SCEL: variants seen among roughly 807,000 people sequenced by gnomAD.
SCEL encodes sciellin.
In SCEL, 113 loss-of-function variants were observed where a neutral mutation model predicts 117.6. That is an observed-to-expected ratio of 0.96 (90% CI 0.83 to 1.12). SCEL has a LOEUF of 1.12. SCEL is among the 50% of genes most tolerant of loss of function. The pLI is 0.00. For missense variants in SCEL, 785 were observed against 810.8 expected (o/e 0.97, Z 0.39); for synonymous variants, 270 against 256.2 (o/e 1.05, Z -0.51).
chr13:77,567,034 A>G (rs898602888), intron 5 of SCEL, among the ~76,000 whole-genome samples: 2 of 152,250 alleles, frequency 1.3e-5, no homozygotes, highest in East Asian at 1.9e-4. Context: ...CAAGTAGTTC[A>G]TTGATGCCTT....
Position 77,617,938 on chromosome 13 carries a change from AT to A in SCEL, c.1572-64del, listed in dbSNP as rs2089175183. On this transcript the variant is annotated intron_variant, in intron 26 of 32. Coordinates refer to ENST00000349847, the MANE Select transcript of SCEL (RefSeq NM_144777.3). ...TGAAGTGGATTTATAATGTTGCTTT[AT>A]TGACCTAGCACAACCCCAAAATCTA... The A allele has an allele frequency of 2.5e-6, 4 of 1,583,398 alleles. No individual in the cohort carries two copies. In the Admixed American group the frequency reaches 6.7e-5, roughly 26 times the overall value.
intron 31 of SCEL, among the ~76,000 whole-genome samples, chr13:77,642,024 A>G (rs2090580382): frequency 6.6e-6 from 1 of 152,196 alleles, no homozygotes; most frequent in Non-Finnish European, 1.5e-5. Context: ...AATTTAAACA[A>G]GAATATTCTC....
intron 1 of SCEL, among the ~76,000 whole-genome samples, chr13:77,546,582 C>G (rs1271573839): frequency 6.6e-6 from 1 of 151,832 alleles, no homozygotes; most frequent in Non-Finnish European, 1.5e-5. Flanking sequence ...AAGAATCACA[C>G]ATATCTTTTG....
intron 9 of SCEL, among the ~76,000 whole-genome samples, chr13:77,583,504 A>T (rs920839650): frequency 2.0e-5 from 3 of 152,196 alleles, no homozygotes; most frequent in African/African-American, 7.2e-5. Context: ...TACGGCTCAT[A>T]TACTGTTGTG....
Position 77,642,772 on chromosome 13 carries a change from A to G in SCEL, c.2014A>G (p.Thr672Ala), listed in dbSNP as rs1177201274. The change falls in exon 32 of 33, where the codon ACA (threonine) becomes GCA (alanine). Residue 672 changes from threonine to alanine, a missense_variant. Coordinates refer to ENST00000349847, the MANE Select transcript of SCEL (RefSeq NM_144777.3). ...AGDSIWIYRQTIHCEPCYSKI... is the reference protein window; with the variant it reads ...AGDSIWIYRQAIHCEPCYSKI... ...TGATAGTATTTGGATTTATAGACAGACAATACACTGTGAACCTTGCTACTC... is the reference window on the plus strand; with the variant it reads ...TGATAGTATTTGGATTTATAGACAGGCAATACACTGTGAACCTTGCTACTC... The G allele has an allele frequency of 6.2e-7, 1 of 1,606,348 alleles. No individual in the cohort carries two copies. Among genetic ancestry groups the G allele is most frequent in the Non-Finnish European group, 8.5e-7 (1 of 1,175,874 alleles).
chr13:77,602,775 T>A, intron 17 of SCEL, 62 bp downstream of exon 17: 1 of 1,398,582 alleles, frequency 7.2e-7, no homozygotes, highest in Admixed American at 1.7e-5. Flanking sequence ...TTATGTGATA[T>A]TGAGGGCACC....
At chr13:77,599,802 T>C in intron 15 of SCEL, 54 bp downstream of exon 15, 1 of 1,283,972 alleles carries the variant, frequency 7.8e-7, no homozygotes, top group Non-Finnish European at 1.1e-6. Flanking sequence ...GGTGTACTAT[T>C]TTCTGGAGGA....
At chr13:77,632,758 G>A (rs7989005) in intron 28 of SCEL, among the ~76,000 whole-genome samples, 140,512 of 152,280 alleles carry the variant, frequency 0.92, 64,882 homozygotes, top group South Asian at 0.97. Context: ...TTCCATAGGA[G>A]AAAGCAAATA....
chr13:77,543,313 G>A (rs921646529), intron 1 of SCEL, among the ~76,000 whole-genome samples: 3 of 151,842 alleles, frequency 2.0e-5, no homozygotes, highest in Non-Finnish European at 4.4e-5. Flanking sequence ...TCGATCTCCT[G>A]ACCTCGTGAT....
chr13:77,618,551 G>T (rs1429993663), intron 27 of SCEL, among the ~76,000 whole-genome samples: 1 of 151,286 alleles, frequency 6.6e-6, no homozygotes, highest in African/African-American at 2.4e-5. Flanking sequence ...AGTTTTCTTT[G>T]GTGTGTTAAA....
chr13:77,589,717 T>A (rs2154399974), intron 10 of SCEL, among the ~76,000 whole-genome samples: 1 of 152,316 alleles, frequency 6.6e-6, no homozygotes, highest in Admixed American at 6.5e-5. Flanking sequence ...CTTTGAGTAG[T>A]TCTTTAATCT....
At position 77,571,978 on chromosome 13, in the gene SCEL, C is replaced by T. The variant is rs545655245; in HGVS notation, c.480-146C>T. The T allele has an allele frequency of 1.2e-4, 82 of 666,370 alleles. 1 individual carries two copies. In the South Asian group the frequency reaches 1.3e-3, roughly 11 times the overall value. 41.3% of individuals were successfully genotyped at this position (666,370 alleles called of 1,614,324 possible). Reference sequence around the variant, plus strand: ...AGCCTAGAATATAGGACAGTTACTTCCTACTTCATTTATGAAATAGTGTTC... The same window carrying T: ...AGCCTAGAATATAGGACAGTTACTTTCTACTTCATTTATGAAATAGTGTTC... On this transcript the variant is annotated intron_variant, in intron 8 of 32. Coordinates refer to ENST00000349847, the MANE Select transcript of SCEL (RefSeq NM_144777.3).
chr13:77,621,787 A>T (rs575475912), intron 27 of SCEL, among the ~76,000 whole-genome samples: 4 of 152,324 alleles, frequency 2.6e-5, no homozygotes, highest in African/African-American at 9.6e-5. Context: ...GTGAAACAAG[A>T]TGAAAAGAAT....
chr13:77,553,410 A>G (rs2084459976), intron 1 of SCEL, among the ~76,000 whole-genome samples: 1 of 152,112 alleles, frequency 6.6e-6, no homozygotes, highest in South Asian at 2.1e-4. Flanking sequence ...ATCAGCTGAG[A>G]ACTCTCCAGG....
At chr13:77,629,667 A>G (rs1406546157) in intron 28 of SCEL, among the ~76,000 whole-genome samples, 1 of 152,218 alleles carries the variant, frequency 6.6e-6, no homozygotes, top group Non-Finnish European at 1.5e-5. Context: ...GAGTAATTAG[A>G]GAAAAGGCAT....
At chr13:77,536,982 A>G (rs1292353730) in intron 1 of SCEL, among the ~76,000 whole-genome samples, 1 of 152,268 alleles carries the variant, frequency 6.6e-6, no homozygotes, top group African/African-American at 2.4e-5. Context: ...ATGTGATTAC[A>G]TTTAAAACTG....
chr13:77,555,072 G>C (rs994839334), intron 1 of SCEL, among the ~76,000 whole-genome samples: 2 of 152,056 alleles, frequency 1.3e-5, no homozygotes, highest in African/African-American at 4.8e-5. Context: ...AAGCCAGCCA[G>C]GATTATATTC....
At chr13:77,554,332 A>G (rs1269628594) in intron 1 of SCEL, among the ~76,000 whole-genome samples, 1 of 152,178 alleles carries the variant, frequency 6.6e-6, no homozygotes, top group Non-Finnish European at 1.5e-5. Context: ...GCAAATCCTC[A>G]AGGAAGGTGC....
chr13:77,641,004 A>G (rs1343959137), intron 31 of SCEL, among the ~76,000 whole-genome samples: 1 of 152,156 alleles, frequency 6.6e-6, no homozygotes, highest in Non-Finnish European at 1.5e-5. Flanking sequence ...TTACTGACAC[A>G]TTTATTCACT....
Sources: gnomAD v4.1 joint callset for allele counts (sites outside exome capture counted in the v4.1 genomes callset) on GRCh38, gnomAD v4.1.1 for gene constraint, MANE v1.5 for transcripts, NCBI Gene and HGNC (gene_info 2026-07-23, HGNC 2026-07-21) for gene names.